Variants in ZNF280D observed in about 807,000 individuals in gnomAD.
ZNF280D encodes the protein zinc finger protein 280D, also known as suppressor of hairy wing homolog 4.
A neutral mutation model predicts 94.7 loss-of-function variants in ZNF280D; 39 were observed. The ratio of observed to expected loss-of-function variants is 0.41; its 90% CI spans 0.32 to 0.54. The LOEUF (loss-of-function observed/expected upper bound fraction) is 0.54. Ranked by LOEUF, ZNF280D falls within the 20% of genes least tolerant of loss-of-function variation. The pLI, the probability that ZNF280D is intolerant of heterozygous loss-of-function variation, is 0.22. For missense variants in ZNF280D, 1,090 were observed against 1,149.3 expected (o/e 0.95, Z 0.75); for synonymous variants, 398 against 377.6 (o/e 1.05, Z -0.63).
chr15:56,693,840 AT>A (rs1453788608), intron 6 of ZNF280D, among the ~76,000 whole-genome samples: 1 of 152,198 alleles, frequency 6.6e-6, no homozygotes, highest in Non-Finnish European at 1.5e-5. Flanking sequence ...GGAGAAATGT[AT>A]AAGCTATGTG....
intron 1 of ZNF280D, among the ~76,000 whole-genome samples, chr15:56,730,835 C>T (rs1476391463): frequency 6.6e-6 from 1 of 152,218 alleles, no homozygotes; most frequent in Non-Finnish European, 1.5e-5. Context: ...CAGATTACTG[C>T]AGGTAAATTC....
chr15:56,703,686 T>C (rs1285799095), intron 4 of ZNF280D, among the ~76,000 whole-genome samples: 3 of 151,938 alleles, frequency 2.0e-5, no homozygotes, highest in Non-Finnish European at 4.4e-5. Context: ...AGACCCTGTC[T>C]CTACAAAAAA....
intron 19 of ZNF280D, among the ~76,000 whole-genome samples, chr15:56,644,613 A>C (rs1250882154): frequency 2.6e-5 from 4 of 152,186 alleles, no homozygotes; most frequent in Non-Finnish European, 5.9e-5. Flanking sequence ...AAATGTTATC[A>C]AAGTAAGACC....
chr15:56,635,455 T>A (rs2052310976), intron 20 of ZNF280D: 1 of 176,288 alleles, frequency 5.7e-6, no homozygotes, highest in African/African-American at 2.4e-5. Context: ...CCTATAAAAG[T>A]TTCAGTGTAC....
At chr15:56,669,938 A>T (rs56088122) in intron 13 of ZNF280D, among the ~76,000 whole-genome samples, 124 of 3,290 alleles carry the variant, frequency 0.038, 27 homozygotes, top group Non-Finnish European at 0.041. Flanking sequence ...TATATATATT[A>T]TATATATATA....
chr15:56,668,114 T>C, intron 14 of ZNF280D: 1 of 454,314 alleles, frequency 2.2e-6, no homozygotes, highest in Non-Finnish European at 4.4e-6. Context: ...TTTAGTTAAT[T>C]CAAATAACAG....
intron 16 of ZNF280D, among the ~76,000 whole-genome samples, chr15:56,658,871 C>A (rs1221074071): frequency 1.3e-5 from 2 of 151,942 alleles, no homozygotes; most frequent in South Asian, 2.1e-4. Flanking sequence ...AATAGTAATT[C>A]TTTTTTATTA....
intron 11 of ZNF280D, 23 bp from the exon 12 acceptor site, chr15:56,677,697 A>G (rs1178775318): frequency 1.8e-6 from 2 of 1,111,270 alleles, no homozygotes. Context: ...GAGAAACAGT[A>G]TAATAATATT....
intron 10 of ZNF280D, among the ~76,000 whole-genome samples, chr15:56,679,651 T>C (rs892369943): frequency 4.6e-5 from 7 of 152,212 alleles, no homozygotes; most frequent in Admixed American, 2.0e-4. Flanking sequence ...AGAGTAAAGT[T>C]ATTCAACAAA....
At chr15:56,684,771 GA>G (rs1410537179) in intron 9 of ZNF280D, among the ~76,000 whole-genome samples, 2 of 151,958 alleles carry the variant, frequency 1.3e-5, no homozygotes, top group Admixed American at 1.3e-4. Context: ...AGGGAAAGAA[GA>G]TAAAACAAAT....
chr15:56,685,928 T>C (rs1205967573), intron 9 of ZNF280D, among the ~76,000 whole-genome samples: 1 of 151,902 alleles, frequency 6.6e-6, no homozygotes, highest in African/African-American at 2.4e-5. Flanking sequence ...AAAAGAAAAA[T>C]CAACTTTGCT....
At chr15:56,701,321 T>C in intron 4 of ZNF280D, 83 bp from the exon 5 acceptor site, 1 of 983,174 alleles carries the variant, frequency 1.0e-6, no homozygotes, top group African/African-American at 1.6e-5. Flanking sequence ...ATTGAAAACA[T>C]TTAAACAGAT....
At chr15:56,697,367 T>A (rs1332746107) in intron 6 of ZNF280D, among the ~76,000 whole-genome samples, 1 of 152,148 alleles carries the variant, frequency 6.6e-6, no homozygotes, top group Non-Finnish European at 1.5e-5. Context: ...TTATTTTTAG[T>A]AGAGACAGGG....
At chr15:56,668,039 T>C (rs2054413417) in intron 14 of ZNF280D, 2 of 408,928 alleles carry the variant, frequency 4.9e-6, no homozygotes, top group South Asian at 1.8e-5. Context: ...AATGAATGGA[T>C]TGCAGGGAAG....
At chr15:56,706,739 G>T in intron 3 of ZNF280D, among the ~76,000 whole-genome samples, 1 of 151,670 alleles carries the variant, frequency 6.6e-6, no homozygotes, top group Non-Finnish European at 1.5e-5. Flanking sequence ...CACTGTCATT[G>T]TTAATATACC....
chr15:56,640,151 T>C (rs1407084487), intron 20 of ZNF280D, among the ~76,000 whole-genome samples: 1 of 152,140 alleles, frequency 6.6e-6, no homozygotes. Flanking sequence ...ATGGGGTACT[T>C]TCTGGCTCAG....
At chr15:56,723,631 T>C (rs2058485947) in intron 1 of ZNF280D, among the ~76,000 whole-genome samples, 2 of 152,208 alleles carry the variant, frequency 1.3e-5, no homozygotes, top group Admixed American at 1.3e-4. Context: ...TTTTTTTCAA[T>C]GTCTCCCTCT....
chr15:56,658,403 A>G (rs1174328724), intron 17 of ZNF280D, 21 bp downstream of exon 17: 3 of 1,564,038 alleles, frequency 1.9e-6, no homozygotes, highest in African/African-American at 1.4e-5. Flanking sequence ...TAGAAAGAGT[A>G]AAAAAAGATC....
chr15:56,726,973 C>T (rs182568402), intron 1 of ZNF280D, among the ~76,000 whole-genome samples: 33 of 152,144 alleles, frequency 2.2e-4, no homozygotes, highest in African/African-American at 8.0e-4. Context: ...AGTGGTTAGA[C>T]GTAGAGGCTT....
Sources: allele counts gnomAD v4.1 joint callset (sites outside exome capture counted in the v4.1 genomes callset), GRCh38; gene constraint gnomAD v4.1.1; transcripts MANE v1.5; gene names NCBI Gene and HGNC (gene_info 2026-07-23, HGNC 2026-07-21).